The following TENM2 variants were observed in gnomAD, a reference collection of about 807,000 sequenced individuals.
TENM2 encodes the protein teneurin transmembrane protein 2.
In TENM2, 52 loss-of-function variants were observed where a neutral mutation model predicts 245.2. The observed-to-expected ratio is 0.21, with a 90% confidence interval of 0.17 to 0.27. The LOEUF (loss-of-function observed/expected upper bound fraction) is 0.27, where lower values mean the gene tolerates loss of function less well. Ranked by LOEUF, TENM2 falls within the 10% of genes least tolerant of loss-of-function variation. The pLI is 1.00. For synonymous variants in TENM2, 1,363 were observed against 1,438.9 expected, an observed-to-expected ratio of 0.95 and a Z score of 1.19; for missense variants, 3,046 against 3,666.8, an observed-to-expected ratio of 0.83 and a Z score of 4.37.
intron 2 of TENM2, among the ~76,000 whole-genome samples, chr5:167,774,843 A>T (rs1386027782): frequency 3.3e-5 from 5 of 152,178 alleles, no homozygotes; most frequent in Non-Finnish European, 5.9e-5. Context: ...TTCTCAAAAC[A>T]TATCCTTAAA....
chr5:167,049,134 C>T, the TENM2 span, among the ~76,000 whole-genome samples: 2 of 152,098 alleles, frequency 1.3e-5, no homozygotes, highest in Non-Finnish European at 2.9e-5. Context: ...GGCTATCATG[C>T]GACCCTAACA....
At chr5:167,093,869 T>C in the TENM2 span, among the ~76,000 whole-genome samples, 23 of 152,184 alleles carry the variant, frequency 1.5e-4, no homozygotes, top group Non-Finnish European at 1.0e-4. Context: ...GACTAACCCA[T>C]AGCCATCAAA....
intron 2 of TENM2, among the ~76,000 whole-genome samples, chr5:167,810,741 G>A (rs976997085): frequency 6.6e-6 from 1 of 152,112 alleles, no homozygotes; most frequent in African/African-American, 2.4e-5. Context: ...CCAGTCAGAG[G>A]CCACACTTGT....
At chr5:167,056,598 TATATATCTATATAA>T in the TENM2 span, among the ~76,000 whole-genome samples, 14 of 146,464 alleles carry the variant, frequency 9.6e-5, no homozygotes, top group South Asian at 2.1e-4. Flanking sequence ...TCTATATAAA[TATATATCTATATAA>T]ATATATCTAT....
At chr5:168,118,594 T>G in intron 10 of TENM2, 108 bp downstream of exon 12, 1 of 875,766 alleles carries the variant, frequency 1.1e-6, no homozygotes, top group Non-Finnish European at 1.6e-6. Context: ...AAGAGAAGTT[T>G]CAACATTTTG....
chr5:167,457,267 A>T (rs1055058063), intron 2 of TENM2, among the ~76,000 whole-genome samples: 1 of 151,600 alleles, frequency 6.6e-6, no homozygotes, highest in Non-Finnish European at 1.5e-5. Flanking sequence ...AGATAATTTA[A>T]GTTCACTGAC....
chr5:168,152,257 T>G (rs748865727), intron 12 of TENM2, among the ~76,000 whole-genome samples: 1 of 152,208 alleles, frequency 6.6e-6, no homozygotes, highest in Non-Finnish European at 1.5e-5. Flanking sequence ...ATAAAAAGCT[T>G]TCTAAAATCC....
chr5:168,147,715 G>C (rs1392402900), intron 12 of TENM2, among the ~76,000 whole-genome samples: 1 of 152,178 alleles, frequency 6.6e-6, no homozygotes, highest in Non-Finnish European at 1.5e-5. Context: ...ACCTCTGAAA[G>C]CTCCAAGTCC....
At chr5:167,871,943 CA>C (rs1772862690) in intron 2 of TENM2, among the ~76,000 whole-genome samples, 1 of 152,010 alleles carries the variant, frequency 6.6e-6, no homozygotes, top group Non-Finnish European at 1.5e-5. Context: ...TTGGAATAGT[CA>C]GGGGGGAAAA....
intron 2 of TENM2, among the ~76,000 whole-genome samples, chr5:167,843,574 G>T (rs901890951): frequency 6.6e-6 from 1 of 152,000 alleles, no homozygotes; most frequent in Admixed American, 6.6e-5. Flanking sequence ...GGTGGGGGAG[G>T]GGGTACAAAA....
chr5:167,816,264 C>T (rs980730930), intron 2 of TENM2, among the ~76,000 whole-genome samples: 2 of 152,106 alleles, frequency 1.3e-5, no homozygotes, highest in African/African-American at 4.8e-5. Flanking sequence ...CCTTTGATCT[C>T]TCTACCTGCT....
chr5:167,119,402 C>A, the TENM2 span: 1 of 152,250 alleles, frequency 6.6e-6, no homozygotes, highest in East Asian at 1.9e-4. Flanking sequence ...GCATTTAGTC[C>A]ATTTTGTGCT....
At chr5:167,405,235 T>C (rs575666681) in intron 2 of TENM2, among the ~76,000 whole-genome samples, 8 of 152,118 alleles carry the variant, frequency 5.3e-5, no homozygotes, top group Middle Eastern at 3.2e-3. Context: ...TTCTTTGATT[T>C]TTTTTCTTCT....
intron 5 of TENM2, among the ~76,000 whole-genome samples, chr5:167,998,216 A>C (rs1784193611): frequency 6.6e-6 from 1 of 152,226 alleles, no homozygotes; most frequent in African/African-American, 2.4e-5. Context: ...ATCTTTGATT[A>C]TCCCAGGTTC....
intron 3 of TENM2, among the ~76,000 whole-genome samples, chr5:167,900,430 C>T (rs78482120): frequency 0.015 from 2,342 of 152,190 alleles, 55 homozygotes; most frequent in African/African-American, 0.053. Context: ...GAAACTTTTC[C>T]AGGCTTGGCA....
chr5:168,088,422 G>A (rs1792643344), intron 7 of TENM2: 1 of 152,112 alleles, frequency 6.6e-6, no homozygotes, highest in Admixed American at 6.6e-5. Context: ...TGGGATATGG[G>A]GTAGAGAGAA....
intron 1 of TENM2, chr5:167,287,568 G>A (rs1754362067): frequency 6.6e-6 from 1 of 152,198 alleles, no homozygotes; most frequent in South Asian, 2.1e-4. Context: ...GCCAGCAAAA[G>A]TGATGGGGGC....
the TENM2 span, among the ~76,000 whole-genome samples, chr5:167,201,936 A>G: frequency 6.6e-6 from 1 of 152,130 alleles, no homozygotes; most frequent in African/African-American, 2.4e-5. Flanking sequence ...GCTACTGTGT[A>G]GTATTTTTCT....
chr5:168,063,723 A>T (rs150252780), intron 7 of TENM2, among the ~76,000 whole-genome samples: 183 of 152,314 alleles, frequency 1.2e-3, no homozygotes, highest in African/African-American at 4.2e-3. Flanking sequence ...TACTGAGCCC[A>T]GTGCACACAT....
Sources: allele counts gnomAD v4.1 joint callset (sites outside exome capture counted in the v4.1 genomes callset), GRCh38; gene constraint gnomAD v4.1.1; transcripts MANE v1.5; gene names NCBI Gene and HGNC (gene_info 2026-07-23, HGNC 2026-07-21).